The following TSPAN7 variants were observed in gnomAD, a reference collection of about 807,000 sequenced individuals.
TSPAN7 encodes the protein tetraspanin-7.
A neutral mutation model predicts 17.6 loss-of-function variants in TSPAN7; 1 was observed. The observed-to-expected ratio is 0.06, with a 90% confidence interval of 0.02 to 0.27. The LOEUF (loss-of-function observed/expected upper bound fraction) is 0.27, where lower values mean the gene tolerates loss of function less well. Ranked by LOEUF, TSPAN7 falls within the 10% of genes least tolerant of loss-of-function variation. TSPAN7 has a pLI of 1.00. For synonymous variants in TSPAN7, 78 were observed against 79.0 expected, an observed-to-expected ratio of 0.99 and a Z score of 0.07; for missense variants, 112 against 201.7, an observed-to-expected ratio of 0.56 and a Z score of 2.69.
chrX:38,628,300 T>G (rs2069532526), intron 1 of TSPAN7, among the ~76,000 whole-genome samples: 1 of 112,633 alleles, frequency 8.9e-6, no homozygotes, highest in Non-Finnish European at 1.9e-5. Flanking sequence ...GAGGACCTAT[T>G]TATGGATGTG....
chrX:38,574,863 A>C (rs1021959933), intron 1 of TSPAN7, among the ~76,000 whole-genome samples: 1 of 110,060 alleles, frequency 9.1e-6, no homozygotes, highest in Non-Finnish European at 1.9e-5. Context: ...CCTGATATTC[A>C]TGCCCTTGTT....
intron 6 of TSPAN7, among the ~76,000 whole-genome samples, chrX:38,685,429 G>T (rs1404608768): frequency 1.8e-5 from 2 of 111,622 alleles, no homozygotes; most frequent in Non-Finnish European, 3.8e-5. Context: ...AGACCAGCCC[G>T]GTCAACATGG....
intron 1 of TSPAN7, among the ~76,000 whole-genome samples, chrX:38,616,790 G>C (rs1365146061): frequency 9.0e-6 from 1 of 111,137 alleles, no homozygotes; most frequent in African/African-American, 3.3e-5. Context: ...TTTTTCCTCA[G>C]AGCCACTCTA....
At chrX:38,669,650 G>A (rs563566021) in intron 2 of TSPAN7, among the ~76,000 whole-genome samples, 14 of 112,180 alleles carry the variant, frequency 1.2e-4, no homozygotes, top group African/African-American at 3.9e-4. Context: ...TGATGAGAGC[G>A]GAAGTCACTT....
chrX:38,644,931 G>A (rs902955322), intron 1 of TSPAN7, among the ~76,000 whole-genome samples: 1 of 111,912 alleles, frequency 8.9e-6, no homozygotes, highest in African/African-American at 3.2e-5. Flanking sequence ...TCTCCCGGCC[G>A]GTAAGTGGTG....
intron 1 of TSPAN7, among the ~76,000 whole-genome samples, chrX:38,626,872 C>T (rs187619577): frequency 5.0e-4 from 56 of 111,213 alleles, no homozygotes; most frequent in African/African-American, 1.7e-3. Context: ...GTTGAACTTA[C>T]ATGTCTGGGA....
At chrX:38,571,203 G>A (rs2147395116) in intron 1 of TSPAN7, among the ~76,000 whole-genome samples, 1 of 111,096 alleles carries the variant, frequency 9.0e-6, no homozygotes, top group Non-Finnish European at 1.9e-5. Flanking sequence ...TTATACTAGA[G>A]GATGATGAGA....
At chrX:38,588,293 C>G (rs1285536280) in intron 1 of TSPAN7, among the ~76,000 whole-genome samples, 1 of 110,953 alleles carries the variant, frequency 9.0e-6, no homozygotes, top group Non-Finnish European at 1.9e-5. Flanking sequence ...CCAATTTTTG[C>G]ATGATGGCAA....
At chrX:38,567,085 T>C (rs939980453) in intron 1 of TSPAN7, among the ~76,000 whole-genome samples, 5 of 100,161 alleles carry the variant, frequency 5.0e-5, no homozygotes, top group Non-Finnish European at 7.7e-5. Context: ...AAAAATAATT[T>C]AAAACAATTT....
At chrX:38,674,458 C>T in intron 4 of TSPAN7, 142 bp downstream of exon 4, 1 of 550,452 alleles carries the variant, frequency 1.8e-6, no homozygotes, top group African/African-American at 2.3e-5. Flanking sequence ...AGAGTTGACA[C>T]CCAGTCCTTG....
intron 1 of TSPAN7, among the ~76,000 whole-genome samples, chrX:38,664,146 G>C (rs929136388): frequency 2.7e-5 from 3 of 112,277 alleles, no homozygotes; most frequent in Non-Finnish European, 5.6e-5. Flanking sequence ...AAATCACCTC[G>C]CAGTATTTAC....
intron 1 of TSPAN7, among the ~76,000 whole-genome samples, chrX:38,574,242 G>T (rs1275049357): frequency 1.8e-5 from 2 of 111,921 alleles, no homozygotes; most frequent in Non-Finnish European, 1.9e-5. Context: ...TTATGACTTG[G>T]TTTATCTAGC....
chrX:38,688,380 G>A lies in TSPAN7; in HGVS notation c.*449G>A, dbSNP rs1325894173. 1 of 113,327 alleles carries A rather than the reference G, an allele frequency of 8.8e-6. No individual in the cohort carries two copies. Among genetic ancestry groups the A allele is most frequent in the Non-Finnish European group, 1.9e-5 (1 of 53,433 alleles). The allele number at this position is 113,327 out of a possible 1,213,427, so 9.3% of individuals were successfully genotyped here. ...CACACCTTTAAGTAGATAAGCAGAC[G>A]ATAGTTATCTGTTCTTTTGACTTAA... On this transcript the variant is annotated 3_prime_UTR_variant, in exon 8 of 8. Transcript: ENST00000378482.
At chrX:38,582,680 C>A (rs1287184384) in intron 1 of TSPAN7, among the ~76,000 whole-genome samples, 1 of 112,389 alleles carries the variant, frequency 8.9e-6, no homozygotes, top group East Asian at 2.8e-4. Context: ...GAGAAAGCTG[C>A]ATTCAGATTA....
chrX:38,630,449 C>T (rs991839990), intron 1 of TSPAN7, among the ~76,000 whole-genome samples: 1 of 111,404 alleles, frequency 9.0e-6, no homozygotes, highest in Admixed American at 9.6e-5. Context: ...AATTTACCTC[C>T]ATCTAACCTC....
At chrX:38,647,797 C>T (rs1395310570) in intron 1 of TSPAN7, among the ~76,000 whole-genome samples, 1 of 111,980 alleles carries the variant, frequency 8.9e-6, no homozygotes, top group Non-Finnish European at 1.9e-5. Context: ...TCCTGTGGTT[C>T]CGGCAGCTTG....
intron 1 of TSPAN7, among the ~76,000 whole-genome samples, chrX:38,636,436 G>C (rs1395016318): frequency 8.9e-6 from 1 of 112,141 alleles, no homozygotes; most frequent in Non-Finnish European, 1.9e-5. Context: ...GGATCAGTGA[G>C]ACTGCTAAGC....
intron 2 of TSPAN7, among the ~76,000 whole-genome samples, chrX:38,667,738 C>T (rs1400901294): frequency 2.7e-5 from 3 of 112,434 alleles, no homozygotes; most frequent in Non-Finnish European, 5.6e-5. Context: ...GCTTCTGCTG[C>T]TGTCACCTGG....
At chrX:38,596,039 G>A (rs1436758581) in intron 1 of TSPAN7, among the ~76,000 whole-genome samples, 3 of 111,756 alleles carry the variant, frequency 2.7e-5, no homozygotes, top group African/African-American at 9.7e-5. Context: ...AAAATGACAG[G>A]TTGTGTGATC....
Sources: allele counts gnomAD v4.1 joint callset (sites outside exome capture counted in the v4.1 genomes callset), GRCh38; gene constraint gnomAD v4.1.1; transcripts MANE v1.5; gene names NCBI Gene and HGNC (gene_info 2026-07-23, HGNC 2026-07-21).